The following MYO16 variants were observed in gnomAD, a reference collection of about 807,000 sequenced individuals.
The protein encoded by MYO16 is unconventional myosin-XVI.
In MYO16, 94 loss-of-function variants were observed where a neutral mutation model predicts 205.3. That is an observed-to-expected ratio of 0.46 (90% CI 0.39 to 0.54). The LOEUF (loss-of-function observed/expected upper bound fraction) is 0.54. MYO16 is among the 20% of genes least tolerant of loss of function. The pLI is 0.00. For missense variants in MYO16, 2,315 were observed against 2,387.5 expected (o/e 0.97, Z 0.63); for synonymous variants, 988 against 954.0 (o/e 1.04, Z -0.66).
chr13:108,920,106 G>A (rs1881673040), intron 16 of MYO16, among the ~76,000 whole-genome samples: 1 of 152,112 alleles, frequency 6.6e-6, no homozygotes, highest in African/African-American at 2.4e-5. Flanking sequence ...GCTTGTTGAG[G>A]ACTGAAAACA....
intron 32 of MYO16, among the ~76,000 whole-genome samples, chr13:109,146,059 T>A (rs1402615477): frequency 6.6e-6 from 1 of 152,238 alleles, no homozygotes; most frequent in Non-Finnish European, 1.5e-5. Context: ...ACAGTATTTC[T>A]TTGCATATAG....
intron 16 of MYO16, among the ~76,000 whole-genome samples, chr13:108,955,684 C>G (rs1334225631): frequency 6.6e-6 from 1 of 152,132 alleles, no homozygotes; most frequent in Admixed American, 6.5e-5. Flanking sequence ...AAACTCGTCT[C>G]TACTAAAAAT....
At chr13:108,650,451 A>G (rs1555335341) in intron 1 of MYO16, among the ~76,000 whole-genome samples, 2 of 152,208 alleles carry the variant, frequency 1.3e-5, no homozygotes, top group African/African-American at 2.4e-5. Flanking sequence ...GAATTTGCCT[A>G]TTAAATACCT....
the MYO16 span, among the ~76,000 whole-genome samples, chr13:108,516,483 G>T: frequency 1.6e-4 from 25 of 152,248 alleles, no homozygotes; most frequent in African/African-American, 6.0e-4. Flanking sequence ...TTCCTATTCG[G>T]CCATCTTGGC....
chr13:108,918,549 C>G (rs999488989), intron 16 of MYO16, among the ~76,000 whole-genome samples: 5 of 152,162 alleles, frequency 3.3e-5, no homozygotes, highest in African/African-American at 9.7e-5. Context: ...GCCCAGTGGC[C>G]CATCTCTCAG....
rs190761316 is a variant in MYO16, at chr13:109,076,118, T to C, written c.3335+20523T>C. 2.0e-5 allele frequency among the ~76,000 whole-genome samples: 3 copies of C among 152,336 alleles called. No homozygotes were observed. In the East Asian group the frequency reaches 5.8e-4, roughly 29 times the overall value. On this transcript the variant is annotated intron_variant, in intron 27 of 34. Transcript: ENST00000457511. ...CTGCAGGGTCTCCAGTGACAGCCTC[T>C]TCTCTGTTCTCTGTCTTTTTTTCTT...
At chr13:109,008,086 T>A (rs374303180) in intron 21 of MYO16, among the ~76,000 whole-genome samples, 1 of 152,354 alleles carries the variant, frequency 6.6e-6, no homozygotes, top group African/African-American at 2.4e-5. Context: ...TAGCATACTT[T>A]GAATAGTTAG....
chr13:108,922,383 C>T (rs548467932), intron 16 of MYO16, among the ~76,000 whole-genome samples: 27 of 152,214 alleles, frequency 1.8e-4, no homozygotes, highest in African/African-American at 5.8e-4. Context: ...GAGAGGGCCA[C>T]GCTGCTGAGA....
At chr13:109,056,631 AGGGTTGGAATATTACAT>A (rs1446004915) in intron 27 of MYO16, among the ~76,000 whole-genome samples, 1 of 152,264 alleles carries the variant, frequency 6.6e-6, no homozygotes, top group East Asian at 1.9e-4. Context: ...AATATTACAA[AGGGTTGGAATATTACAT>A]GGGTTGGAAT....
chr13:108,845,049 T>A (rs1877450095), intron 10 of MYO16, among the ~76,000 whole-genome samples: 1 of 152,146 alleles, frequency 6.6e-6, no homozygotes, highest in Admixed American at 6.6e-5. Context: ...TGGCAATTAA[T>A]GTATTTTATT....
chr13:109,199,053 G>T (rs1377253700), intron 34 of MYO16, among the ~76,000 whole-genome samples: 1 of 151,566 alleles, frequency 6.6e-6, no homozygotes, highest in Non-Finnish European at 1.5e-5. Flanking sequence ...CTCCTCGCAT[G>T]TTCTTCTCCC....
chr13:109,158,912 C>A (rs1228352663), intron 32 of MYO16, among the ~76,000 whole-genome samples: 1 of 152,186 alleles, frequency 6.6e-6, no homozygotes, highest in Non-Finnish European at 1.5e-5. Context: ...TGCATGGAAG[C>A]CCCTTCACGT....
At chr13:108,956,444 A>T (rs953038021) in intron 16 of MYO16, among the ~76,000 whole-genome samples, 1 of 151,990 alleles carries the variant, frequency 6.6e-6, no homozygotes, top group African/African-American at 2.4e-5. Flanking sequence ...ATTCTTTCCA[A>T]GGCGCCAACA....
chr13:108,627,718 A>G (rs532447771), upstream of MYO16, among the ~76,000 whole-genome samples: 9 of 152,282 alleles, frequency 5.9e-5, no homozygotes, highest in East Asian at 1.5e-3. Context: ...TTTTAATAAC[A>G]TATTTTCTTT....
intron 23 of MYO16, among the ~76,000 whole-genome samples, chr13:109,026,346 GAAA>G (rs1056732977): frequency 6.6e-6 from 1 of 152,082 alleles, no homozygotes; most frequent in African/African-American, 2.4e-5. Context: ...AGATTTGAGA[GAAA>G]AGAAGGAGGC....
intron 11 of MYO16, among the ~76,000 whole-genome samples, chr13:108,861,309 A>G (rs1878440938): frequency 6.6e-6 from 1 of 152,136 alleles, no homozygotes; most frequent in Non-Finnish European, 1.5e-5. Context: ...TATTCCTCTC[A>G]TTATTATGTT....
At chr13:108,757,490 T>A (rs9521007) in intron 4 of MYO16, among the ~76,000 whole-genome samples, 70,314 of 151,660 alleles carry the variant, frequency 0.46, 17,415 homozygotes, top group East Asian at 0.87. Context: ...GGGTTTTTTT[T>A]AATTATACTT....
rs1014985100 is a variant in MYO16, at chr13:108,861,816, T to C, written c.1360-4361T>C. On this transcript the variant is annotated intron_variant, in intron 11 of 34. Coordinates refer to ENST00000457511, the MANE Select transcript of MYO16 (RefSeq NM_001198950.3). ...GGTTTTCTTTCTTCTTCTTGATATA[T>C]AGGAGTTTTTATGTATTCACGATAT... Among the ~76,000 whole-genome samples the C allele has an allele frequency of 2.6e-5, 4 of 152,010 alleles. No homozygotes were observed. The East Asian group carries it at 7.7e-4, about 29-fold the overall frequency.
intron 27 of MYO16, among the ~76,000 whole-genome samples, chr13:109,058,920 A>G (rs746052686): frequency 6.6e-6 from 1 of 152,210 alleles, no homozygotes; most frequent in Non-Finnish European, 1.5e-5. Flanking sequence ...CATTTCAACA[A>G]TGTTCACAGC....
Sources: allele counts gnomAD v4.1 joint callset (sites outside exome capture counted in the v4.1 genomes callset), GRCh38; gene constraint gnomAD v4.1.1; transcripts MANE v1.5; gene names NCBI Gene and HGNC (gene_info 2026-07-23, HGNC 2026-07-21).